L3MBTL4: variants seen among roughly 807,000 people sequenced by gnomAD.
L3MBTL4 encodes lethal(3)malignant brain tumor-like protein 4.
A neutral mutation model predicts 84.5 loss-of-function variants in L3MBTL4; 70 were observed. The ratio of observed to expected loss-of-function variants is 0.83; its 90% CI spans 0.68 to 1.01. L3MBTL4 has a LOEUF of 1.01. Among genes scored for constraint, L3MBTL4 ranks in the 50% least tolerant of loss-of-function variants. The pLI, the probability that L3MBTL4 is intolerant of heterozygous loss-of-function variation, is 0.00. For missense variants in L3MBTL4, 715 were observed against 754.8 expected (o/e 0.95, Z 0.62); for synonymous variants, 274 against 259.8 (o/e 1.05, Z -0.52).
At chr18:5,966,619 T>C (rs537959421) in intron 17 of L3MBTL4, among the ~76,000 whole-genome samples, 1 of 152,300 alleles carries the variant, frequency 6.6e-6, no homozygotes, top group Admixed American at 6.5e-5. Context: ...TGAGTTTATG[T>C]CCACTGGGAC....
intron 1 of L3MBTL4, among the ~76,000 whole-genome samples, chr18:6,388,049 T>G (rs1265894400): frequency 6.6e-6 from 1 of 152,100 alleles, no homozygotes; most frequent in African/African-American, 2.4e-5. Flanking sequence ...AAATGCACAT[T>G]AAAATAACAA....
At chr18:6,381,350 A>G (rs564862935) in intron 1 of L3MBTL4, among the ~76,000 whole-genome samples, 2 of 152,268 alleles carry the variant, frequency 1.3e-5, no homozygotes, top group East Asian at 3.9e-4. Context: ...TAATATTCTT[A>G]TGTGTGAATT....
intron 12 of L3MBTL4, among the ~76,000 whole-genome samples, chr18:6,173,134 T>C (rs62079177): frequency 0.016 from 2,408 of 152,366 alleles, 31 homozygotes; most frequent in Non-Finnish European, 0.025. Flanking sequence ...TGCTAAAGTC[T>C]GAGAACCAGA....
At chr18:6,398,978 T>C (rs2055397298) in intron 1 of L3MBTL4, among the ~76,000 whole-genome samples, 1 of 152,230 alleles carries the variant, frequency 6.6e-6, no homozygotes, top group Non-Finnish European at 1.5e-5. Flanking sequence ...AGCCACTTTC[T>C]GCTGGTGGGT....
chr18:6,018,893 C>T (rs774237202), intron 16 of L3MBTL4, among the ~76,000 whole-genome samples: 8 of 152,174 alleles, frequency 5.3e-5, no homozygotes, highest in Non-Finnish European at 7.3e-5. Flanking sequence ...GACTTAACAA[C>T]ATCTCAGGGA....
intron 16 of L3MBTL4, among the ~76,000 whole-genome samples, chr18:6,059,657 G>A (rs1203814714): frequency 6.6e-6 from 1 of 152,142 alleles, no homozygotes; most frequent in African/African-American, 2.4e-5. Context: ...GACTAAGAGG[G>A]CACCCAGACC....
chr18:6,052,304 A>G (rs1413674069), intron 16 of L3MBTL4, among the ~76,000 whole-genome samples: 1 of 152,242 alleles, frequency 6.6e-6, no homozygotes, highest in African/African-American at 2.4e-5. Context: ...TACAATTTAA[A>G]GTGATGTTAA....
At chr18:6,061,932 C>T (rs180861109) in intron 16 of L3MBTL4, among the ~76,000 whole-genome samples, 331 of 151,878 alleles carry the variant, frequency 2.2e-3, no homozygotes, top group African/African-American at 7.2e-3. Flanking sequence ...ATGTTATTGC[C>T]GGCATTCATT....
At chr18:6,124,657 G>T (rs1598830683) in intron 14 of L3MBTL4, among the ~76,000 whole-genome samples, 1 of 152,074 alleles carries the variant, frequency 6.6e-6, no homozygotes, top group South Asian at 2.1e-4. Flanking sequence ...TTTCTAATAT[G>T]CAAAGATTTT....
intron 1 of L3MBTL4, among the ~76,000 whole-genome samples, chr18:6,401,480 C>T (rs142841781): frequency 3.9e-5 from 6 of 152,162 alleles, no homozygotes; most frequent in Non-Finnish European, 7.4e-5. Context: ...TCCCAAACCA[C>T]GAAAAGTGCA....
chr18:6,094,054 T>C (rs909748101), intron 14 of L3MBTL4, among the ~76,000 whole-genome samples: 1 of 152,184 alleles, frequency 6.6e-6, no homozygotes, highest in East Asian at 1.9e-4. Flanking sequence ...AAAGGATACA[T>C]TGTAGGTGAG....
intron 1 of L3MBTL4, among the ~76,000 whole-genome samples, chr18:6,316,772 G>C (rs954856872): frequency 4.6e-5 from 7 of 152,210 alleles, no homozygotes; most frequent in South Asian, 4.2e-4. Flanking sequence ...TTTCCTGCTG[G>C]CCTGGCAGAA....
intron 16 of L3MBTL4, among the ~76,000 whole-genome samples, chr18:5,992,761 T>A (rs2053763061): frequency 6.6e-6 from 1 of 152,162 alleles, no homozygotes; most frequent in South Asian, 2.1e-4. Context: ...ACATGTCTGC[T>A]CCCACTTCGC....
At chr18:6,033,988 T>C (rs558602885) in intron 16 of L3MBTL4, among the ~76,000 whole-genome samples, 1 of 152,240 alleles carries the variant, frequency 6.6e-6, no homozygotes, top group African/African-American at 2.4e-5. Context: ...TTACCTTTAT[T>C]GAGATCTTTA....
At chr18:6,318,494 T>TAAAAAAAAAAAAAAAAAAA (rs71370550) in intron 1 of L3MBTL4, among the ~76,000 whole-genome samples, 2 of 14,200 alleles carry the variant, frequency 1.4e-4, no homozygotes, top group African/African-American at 4.7e-4. Context: ...ACAACAATAG[T>TAAAAAAAAAAAAAAAAAAA]AAAAAAAAAA....
chr18:6,030,162 C>T (rs1206418861), intron 16 of L3MBTL4: 1 of 817,632 alleles, frequency 1.2e-6, no homozygotes, highest in Non-Finnish European at 1.5e-6. Flanking sequence ...TTTAAATAAA[C>T]AGAACATATT....
intron 16 of L3MBTL4, among the ~76,000 whole-genome samples, chr18:5,988,427 T>C (rs1430735114): frequency 6.6e-6 from 1 of 152,232 alleles, no homozygotes; most frequent in African/African-American, 2.4e-5. Context: ...TTTTTTTAAA[T>C]AGAAAATGTA....
intron 17 of L3MBTL4, among the ~76,000 whole-genome samples, chr18:5,961,141 G>T (rs776963439): frequency 1.3e-5 from 2 of 152,196 alleles, no homozygotes; most frequent in Non-Finnish European, 2.9e-5. Context: ...TGTGTCAACC[G>T]AATTGTGTGT....
At chr18:5,978,720 C>T (rs2053073171) in intron 16 of L3MBTL4, among the ~76,000 whole-genome samples, 1 of 152,144 alleles carries the variant, frequency 6.6e-6, no homozygotes, top group Non-Finnish European at 1.5e-5. Flanking sequence ...CATTACAGTG[C>T]CTGAGGACGT....
Sources: gnomAD v4.1 joint callset for allele counts (sites outside exome capture counted in the v4.1 genomes callset) on GRCh38, gnomAD v4.1.1 for gene constraint, MANE v1.5 for transcripts, NCBI Gene and HGNC (gene_info 2026-07-23, HGNC 2026-07-21) for gene names.